DLC1: variants seen among roughly 807,000 people sequenced by gnomAD.
DLC1 encodes rho GTPase-activating protein 7.
DLC1 carries 54 observed loss-of-function variants against 140.3 expected under a neutral mutation model. The ratio of observed to expected loss-of-function variants is 0.38; its 90% confidence interval spans 0.31 to 0.48. DLC1 has a LOEUF of 0.48. DLC1 is among the 20% of genes least tolerant of loss of function. The pLI is 0.96. For synonymous variants in DLC1, 986 were observed against 728.1 expected (o/e 1.35, Z -5.70); for missense variants, 2,536 against 1,907.0 (o/e 1.33, Z -6.14).
At chr8:13,438,820 T>C (rs1839236159) in intron 2 of DLC1, among the ~76,000 whole-genome samples, 1 of 152,150 alleles carries the variant, frequency 6.6e-6, no homozygotes, top group Non-Finnish European at 1.5e-5. Context: ...TCCACTCTGA[T>C]TCACTGCACT....
chr8:13,345,600 T>C (rs1834299178), intron 4 of DLC1, among the ~76,000 whole-genome samples: 2 of 124,772 alleles, frequency 1.6e-5, no homozygotes, highest in African/African-American at 3.2e-5. Context: ...ATCACCCAGA[T>C]TGGAGTGCAG....
At chr8:13,568,200 G>A in intron 1 of DLC1, 2 of 370,526 alleles carry the variant, frequency 5.4e-6, no homozygotes, top group Admixed American at 4.3e-5. Flanking sequence ...AGTAGTATGG[G>A]GATGTAAGAG....
chr8:13,182,280 C>T (rs1373508840), intron 5 of DLC1, among the ~76,000 whole-genome samples: 1 of 151,986 alleles, frequency 6.6e-6, no homozygotes, highest in African/African-American at 2.4e-5. Context: ...TGCCTATTCA[C>T]TCTGATTGTA....
chr8:13,555,218 A>G (rs1441425196), intron 1 of DLC1, among the ~76,000 whole-genome samples: 2 of 152,140 alleles, frequency 1.3e-5, no homozygotes, highest in African/African-American at 2.4e-5. Context: ...TCTGCTGCTT[A>G]TTTTTCTACA....
At chr8:13,310,971 A>C (rs1023723657) in intron 4 of DLC1, among the ~76,000 whole-genome samples, 6 of 152,216 alleles carry the variant, frequency 3.9e-5, no homozygotes, top group African/African-American at 1.4e-4. Flanking sequence ...TAATAAAATC[A>C]AATTTAAATA....
In DLC1 at chr8:13,585,371, C is replaced by T. The variant is rs557386748; in HGVS notation, c.-126+19166G>A. On this transcript the variant is annotated intron_variant, in intron 1 of 1. Coordinates refer to the DLC1 transcript ENST00000631382. ...TTGATGCTAGAAGATCAAGACCAGA[C>T]TAGGAAACATAGCAAGACTCTCATC... Among the ~76,000 whole-genome samples the T allele has an allele frequency of 5.3e-5, 8 of 151,660 alleles. No individual in the cohort carries two copies. In the East Asian group the frequency reaches 1.2e-3, roughly 22 times the overall value.
chr8:13,467,684 C>T (rs1800003597), intron 2 of DLC1, among the ~76,000 whole-genome samples: 2 of 152,132 alleles, frequency 1.3e-5, no homozygotes, highest in African/African-American at 4.8e-5. Flanking sequence ...TGAGGTATGA[C>T]TGTGCTACTG....
At chr8:13,405,863 T>C (rs1837505085) in intron 2 of DLC1, among the ~76,000 whole-genome samples, 1 of 144,662 alleles carries the variant, frequency 6.9e-6, no homozygotes, top group Non-Finnish European at 1.5e-5. Flanking sequence ...TCTTTCTCTC[T>C]TTTCTTTTCT....
At chr8:13,420,082 C>T (rs957269522) in intron 2 of DLC1, among the ~76,000 whole-genome samples, 5 of 151,936 alleles carry the variant, frequency 3.3e-5, no homozygotes, top group African/African-American at 1.2e-4. Flanking sequence ...TTTTTTATTG[C>T]GTCTGTTTGA....
intron 4 of DLC1, among the ~76,000 whole-genome samples, chr8:13,367,103 C>T (rs1835520365): frequency 6.6e-6 from 1 of 152,180 alleles, no homozygotes; most frequent in Non-Finnish European, 1.5e-5. Flanking sequence ...CCAGATGACA[C>T]TCAGTGTATT....
At chr8:13,458,176 A>G (rs115822258) in intron 2 of DLC1, among the ~76,000 whole-genome samples, 6 of 152,348 alleles carry the variant, frequency 3.9e-5, no homozygotes, top group African/African-American at 1.4e-4. Flanking sequence ...ACTTTAACAG[A>G]CAAATTATCT....
rs576913639 is a variant in DLC1 at position 13,461,475 on chromosome 8, C to T, written c.1023+37574G>A. ...TTGCCCTGCCAAGGGCAGGCCTCTG[C>T]CTTTAGGTGATAAACACTGTGGAGT... On this transcript the variant is annotated intron_variant, in intron 2 of 17. Transcript: ENST00000276297. Among the ~76,000 whole-genome samples, 31 of 152,264 alleles carry T rather than the reference C, an allele frequency of 2.0e-4. 1 individual carries two copies. Among genetic ancestry groups the T allele is most frequent in the African/African-American group, 7.5e-4 (31 of 41,552 alleles).
At chr8:13,285,653 G>A (rs551914615) in intron 5 of DLC1, among the ~76,000 whole-genome samples, 15 of 152,246 alleles carry the variant, frequency 9.9e-5, no homozygotes, top group Non-Finnish European at 1.6e-4. Context: ...ACCATACTAA[G>A]TGTTGGAGAG....
chr8:13,444,870 A>C (rs576724303), intron 2 of DLC1, among the ~76,000 whole-genome samples: 64 of 151,722 alleles, frequency 4.2e-4, no homozygotes, highest in Non-Finnish European at 8.1e-4. Flanking sequence ...CACAAATTAC[A>C]CAAAAAAGTG....
chr8:13,545,278 G>T (rs1019509044), intron 1 of DLC1, among the ~76,000 whole-genome samples: 1 of 150,656 alleles, frequency 6.6e-6, no homozygotes, highest in African/African-American at 2.4e-5. Flanking sequence ...ATAGGGAGAG[G>T]TCTATAATGT....
intron 4 of DLC1, among the ~76,000 whole-genome samples, chr8:13,377,626 ACTG>A (rs1563297229): frequency 6.6e-6 from 1 of 152,150 alleles, no homozygotes. Flanking sequence ...CTGTGCATTT[ACTG>A]TGCGATACAC....
At chr8:13,093,699 G>A (rs1018641289) in intron 12 of DLC1, among the ~76,000 whole-genome samples, 1 of 152,184 alleles carries the variant, frequency 6.6e-6, no homozygotes, top group Admixed American at 6.5e-5. Flanking sequence ...AATGTGACCT[G>A]TGTTTTTATA....
At chr8:13,114,791 A>C (rs991930827) in intron 6 of DLC1, among the ~76,000 whole-genome samples, 3 of 152,250 alleles carry the variant, frequency 2.0e-5, no homozygotes, top group African/African-American at 7.2e-5. Flanking sequence ...AATGGCAGTC[A>C]AAATCTCTAT....
chr8:13,314,798 C>A (rs760607471), intron 4 of DLC1, among the ~76,000 whole-genome samples: 1 of 152,072 alleles, frequency 6.6e-6, no homozygotes, highest in Non-Finnish European at 1.5e-5. Flanking sequence ...ATCTTGTTCA[C>A]TGAACTGGAA....
Sources: allele counts gnomAD v4.1 joint callset (sites outside exome capture counted in the v4.1 genomes callset), GRCh38; gene constraint gnomAD v4.1.1; transcripts MANE v1.5; gene names NCBI Gene and HGNC (gene_info 2026-07-23, HGNC 2026-07-21).